Variants in WSB2 observed in about 807,000 individuals in gnomAD.
The protein encoded by WSB2 is WD repeat and SOCS box containing 2.
In WSB2, 12 loss-of-function variants were observed where a neutral mutation model predicts 48.8. The ratio of observed to expected loss-of-function variants is 0.25; its 90% CI spans 0.16 to 0.40. The LOEUF (loss-of-function observed/expected upper bound fraction) is 0.40, where lower values mean the gene tolerates loss of function less well. WSB2 is among the 10% of genes least tolerant of loss of function. The pLI, the probability that WSB2 is intolerant of heterozygous loss-of-function variation, is 1.00. For synonymous variants in WSB2, 191 were observed against 203.1 expected (o/e 0.94, Z 0.51); for missense variants, 317 against 506.2 (o/e 0.63, Z 3.59).
rs2031418723 is a variant in WSB2, at chr12:118,033,402, C to G, written c.*794G>C. The G allele has an allele frequency of 6.6e-6, 1 of 152,546 alleles. No homozygotes were observed. Among genetic ancestry groups the G allele is most frequent in the Non-Finnish European group, 1.5e-5 (1 of 68,038 alleles). 9.4% of individuals were successfully genotyped at this position (152,546 alleles called of 1,614,324 possible). A position where few individuals can be genotyped will look rare whatever the true frequency, so the allele number is the denominator to read the frequency against. Reference sequence around the variant, plus strand: ...GAAAAACACAGTTGTACCTTAACATCTGTTGAGAAAATACAAATAAATATG... The same window carrying G: ...GAAAAACACAGTTGTACCTTAACATGTGTTGAGAAAATACAAATAAATATG... On this transcript the variant is annotated 3_prime_UTR_variant, in exon 9 of 9. Transcript: ENST00000315436.
intron 5 of WSB2, 73 bp from the exon 6 acceptor site, chr12:118,036,583 T>C (rs2031516762): frequency 2.0e-6 from 3 of 1,471,732 alleles, no homozygotes; most frequent in South Asian, 1.4e-5. Flanking sequence ...GAGGGAAAGG[T>C]ACCACCACCA....
intron 8 of WSB2, 144 bp downstream of exon 8, chr12:118,034,842 G>A (rs1444019749): frequency 7.1e-6 from 5 of 708,904 alleles, no homozygotes; most frequent in Non-Finnish European, 6.8e-6. Context: ...TAGCAAAATC[G>A]ATCATTTGAG....
chr12:118,041,895 C>T (rs1447570715), intron 4 of WSB2, among the ~76,000 whole-genome samples: 1 of 151,888 alleles, frequency 6.6e-6, no homozygotes, highest in Non-Finnish European at 1.5e-5. Flanking sequence ...GCTGGGACTA[C>T]AGGCGCCCAC....
Position 118,038,352 on chromosome 12 carries a change from C to T in WSB2, c.596G>A (p.Trp199Ter), listed in dbSNP as rs1203474490. 1 of 1,614,050 alleles carries T rather than the reference C, an allele frequency of 6.2e-7. No individual in the cohort carries two copies. Among genetic ancestry groups the T allele is most frequent in the Non-Finnish European group, 8.5e-7 (1 of 1,180,040 alleles). Residue 199 changes from tryptophan (W) to a stop codon, truncating the protein, a stop_gained, in exon 5 of 9, where the codon TGG (tryptophan) becomes TAG (stop). Coordinates refer to ENST00000315436, the MANE Select transcript of WSB2 (RefSeq NM_018639.5). LOFTEE classifies it high-confidence loss of function. ...TGGGGAGATGGAACAGCAGTAAACC[C>T]ACTGCAGGTGGCCCGATAACACTTG... The part of the protein sequence containing the change: ...QIQVLSGHLQ[W>*]VYCCSISPDC...
At chr12:118,050,216 G>T (rs189091218) in intron 2 of WSB2, among the ~76,000 whole-genome samples, 1 of 152,070 alleles carries the variant, frequency 6.6e-6, no homozygotes, top group Non-Finnish European at 1.5e-5. Flanking sequence ...CGCAACCAAG[G>T]CTGGCTGAAT....
At chr12:118,037,667 T>TAAA (rs752087366) in intron 5 of WSB2, among the ~76,000 whole-genome samples, 1 of 123,556 alleles carries the variant, frequency 8.1e-6, no homozygotes, top group African/African-American at 2.9e-5. Context: ...AAACTCTGTC[T>TAAA]AAAAAAAAAA....
chr12:118,054,244 A>G (rs898185934), intron 1 of WSB2, among the ~76,000 whole-genome samples: 1 of 146,042 alleles, frequency 6.8e-6, no homozygotes, highest in East Asian at 2.1e-4. Flanking sequence ...AAAAAAAATT[A>G]GCCAGACATG....
At chr12:118,048,216 A>T (rs1435329672) in intron 2 of WSB2, among the ~76,000 whole-genome samples, 1 of 150,896 alleles carries the variant, frequency 6.6e-6, no homozygotes, top group African/African-American at 2.4e-5. Context: ...GGCGTGAGCC[A>T]CCGCACCCGG....
rs1437862621 is a variant in WSB2, at chr12:118,043,218, G to A, written c.342C>T (p.His114=). The A allele has an allele frequency of 5.6e-6, 9 of 1,614,130 alleles. No homozygotes were observed. The highest frequency in any genetic ancestry group is 7.6e-6 in the Non-Finnish European group (9 of 1,180,044). ...SPPSRKLWAR[H]HPQVPDVSCL... Reference sequence around the variant, plus strand: ...AAGAGACATCGGGCACTTGGGGGTGGTGGCGTGCCCAGAGCTTCCTGCTGG... The same window carrying A: ...AAGAGACATCGGGCACTTGGGGGTGATGGCGTGCCCAGAGCTTCCTGCTGG... The change falls in exon 3 of 9, where the codon CAC becomes CAT. Residue 114 remains histidine, a synonymous_variant. Coordinates refer to ENST00000315436, the MANE Select transcript of WSB2 (RefSeq NM_018639.5).
intron 1 of WSB2, among the ~76,000 whole-genome samples, chr12:118,054,806 G>C (rs945504363): frequency 6.6e-6 from 1 of 151,144 alleles, no homozygotes; most frequent in Non-Finnish European, 1.5e-5. Flanking sequence ...TCTTTAAATA[G>C]AATGTTAATA....
upstream of WSB2, among the ~76,000 whole-genome samples, chr12:118,061,580 AG>A (rs2032067899): frequency 6.7e-6 from 1 of 149,616 alleles, no homozygotes; most frequent in African/African-American, 2.5e-5. Flanking sequence ...TCAGGGGAAA[AG>A]GGGGTGTTGG....
In WSB2 at chr12:118,033,482, T is replaced by A. The variant is rs1037674808; in HGVS notation, c.*714A>T. The A allele has an allele frequency of 2.0e-5, 3 of 151,898 alleles. No homozygotes were observed. Among genetic ancestry groups the A allele is most frequent in the African/African-American group, 7.3e-5 (3 of 41,050 alleles). 9.4% of individuals were successfully genotyped at this position (151,898 alleles called of 1,614,324 possible). Reference sequence around the variant, plus strand: ...TAGCCATCTGAATAGTCATGCGGTTTAAGAATACATCCTTGTATAATCTGA... The same window carrying A: ...TAGCCATCTGAATAGTCATGCGGTTAAAGAATACATCCTTGTATAATCTGA... On this transcript the variant is annotated 3_prime_UTR_variant, in exon 9 of 9. Coordinates refer to ENST00000315436, the MANE Select transcript of WSB2 (RefSeq NM_018639.5).
intron 4 of WSB2, among the ~76,000 whole-genome samples, chr12:118,041,423 G>A (rs2031633721): frequency 6.6e-6 from 1 of 152,200 alleles, no homozygotes; most frequent in African/African-American, 2.4e-5. Context: ...AGAACTGTGA[G>A]AAATAAATGT....
intron 4 of WSB2, 150 bp downstream of exon 4, chr12:118,042,691 T>C (rs1486923276): frequency 1.6e-6 from 2 of 1,285,402 alleles, no homozygotes; most frequent in African/African-American, 3.0e-5. Flanking sequence ...CAGGGGCGAT[T>C]AGGAAAAAAC....
chr12:118,036,343 T>C lies in WSB2; in HGVS notation c.828A>G (p.Ser276=), dbSNP rs771048773. Residue 276 remains serine (S), a synonymous_variant, in exon 6 of 9, where the codon TCA becomes TCG. Coordinates refer to ENST00000315436, the MANE Select transcript of WSB2 (RefSeq NM_018639.5). ...AGCAGGGATTCAGTCCTTACTGGAG[T>C]GACCTCAGCCTTTCGCCGGTGTAGG... ...WDPYTGERLR[S]LHHTQVDPAM... 1 of 1,613,594 alleles carries C rather than the reference T, an allele frequency of 6.2e-7. No homozygotes were observed. Among genetic ancestry groups the C allele is most frequent in the South Asian group, 1.1e-5 (1 of 91,032 alleles).
chr12:118,061,151 C>G lies in WSB2; in HGVS notation c.-103G>C, dbSNP rs2032058397. 1 of 982,562 alleles carries G rather than the reference C, an allele frequency of 1.0e-6. No individual in the cohort carries two copies. Among genetic ancestry groups the G allele is most frequent in the Non-Finnish European group, 1.2e-6 (1 of 828,680 alleles). 60.9% of individuals were successfully genotyped at this position (982,562 alleles called of 1,614,324 possible). A position where few individuals can be genotyped will look rare whatever the true frequency, so the allele number is the denominator to read the frequency against. ...GCCGCCCGCCCCGGCCAGGCCGCCGCCGCCGCCCGGAGAGGCCATCAGCTG... is the reference window on the plus strand; with the variant it reads ...GCCGCCCGCCCCGGCCAGGCCGCCGGCGCCGCCCGGAGAGGCCATCAGCTG... On this transcript the variant is annotated 5_prime_UTR_variant, in exon 1 of 9. Coordinates refer to ENST00000315436, the MANE Select transcript of WSB2 (RefSeq NM_018639.5).
At chr12:118,038,859 TTAGTA>T (rs1313703420) in intron 4 of WSB2, among the ~76,000 whole-genome samples, 4 of 152,138 alleles carry the variant, frequency 2.6e-5, no homozygotes, top group Admixed American at 2.6e-4. Flanking sequence ...TTTTGTACTT[TTAGTA>T]GAGACAGGGT....
chr12:118,033,889 G>GTAAC lies in WSB2; in HGVS notation c.*303_*306dup, dbSNP rs2031437539. On this transcript the variant is annotated 3_prime_UTR_variant, in exon 9 of 9. Coordinates refer to ENST00000315436, the MANE Select transcript of WSB2 (RefSeq NM_018639.5). ...TAGTTGCATAATCAAAACAACATCAGTAACTGCACTTTGAATCAAAACAAG... is the reference window on the plus strand; with the variant it reads ...TAGTTGCATAATCAAAACAACATCAGTAACTAACTGCACTTTGAATCAAAACAAG... The GTAAC allele has an allele frequency of 2.9e-6, 1 of 344,444 alleles. No homozygotes were observed. The highest frequency in any genetic ancestry group is 3.3e-5 in the South Asian group (1 of 30,040). The allele number at this position is 344,444 out of a possible 1,614,324, so 21.3% of individuals were successfully genotyped here.
intron 2 of WSB2, 66 bp downstream of exon 2, chr12:118,052,244 A>C: frequency 6.4e-7 from 1 of 1,570,396 alleles, no homozygotes; most frequent in East Asian, 2.3e-5. Context: ...TTGGGCACAG[A>C]GATGGCAAAA....
Sources: gnomAD v4.1 joint callset for allele counts (sites outside exome capture counted in the v4.1 genomes callset) on GRCh38, gnomAD v4.1.1 for gene constraint, MANE v1.5 for transcripts, NCBI Gene and HGNC (gene_info 2026-07-23, HGNC 2026-07-21) for gene names.